The following GALNT9 variants were observed in gnomAD, a reference collection of about 807,000 sequenced individuals.
The protein encoded by GALNT9 is GalNAc transferase 9.
GALNT9 carries 47 observed loss-of-function variants against 63.1 expected under a neutral mutation model. The observed-to-expected ratio is 0.75, with a 90% CI of 0.59 to 0.95. The LOEUF (loss-of-function observed/expected upper bound fraction) is 0.95. Among genes scored for constraint, GALNT9 ranks in the 40% least tolerant of loss-of-function variants. The probability of loss-of-function intolerance (pLI) is 0.00; values close to 1 mark genes in which losing one functional copy is unlikely to be tolerated. For missense variants in GALNT9, 829 were observed against 874.8 expected (o/e 0.95, Z 0.66); for synonymous variants, 396 against 365.7 (o/e 1.08, Z -0.94).
rs1878675869 is a variant in GALNT9 at position 132,245,538 on chromosome 12, C to T, written c.1077+2372G>A. ...GTGGTCCGGCACCCACACCCCCAGC[C>T]CAGCCTGCTGACCCTCGCCCAGCCA... On this transcript the variant is annotated intron_variant, in intron 6 of 10. Coordinates refer to ENST00000328957, the MANE Select transcript of GALNT9 (RefSeq NM_001122636.2). This position sits in a 1 kb window ranked among gnomAD's most constrained non-coding sequence, Gnocchi z 6.3. Among the ~76,000 whole-genome samples the T allele has an allele frequency of 6.6e-6, 1 of 151,146 alleles. No individual in the cohort carries two copies. Among genetic ancestry groups the T allele is most frequent in the Admixed American group, 6.6e-5 (1 of 15,240 alleles).
At chr12:132,241,554 C>T (rs1555237143) in intron 6 of GALNT9, among the ~76,000 whole-genome samples, 87 of 103,810 alleles carry the variant, frequency 8.4e-4, no homozygotes, top group Admixed American at 1.6e-3. Context: ...CTCCCTATAC[C>T]CATTACACAC....
At chr12:132,240,385 C>A in intron 6 of GALNT9, 1 of 352,000 alleles carries the variant, frequency 2.8e-6, no homozygotes, top group South Asian at 2.1e-5. Context: ...GGCCAGGTGG[C>A]TGGTGAAAGG....
intron 1 of GALNT9, among the ~76,000 whole-genome samples, chr12:132,303,389 A>ACCCTC (rs1881388385): frequency 1.9e-4 from 26 of 139,276 alleles, no homozygotes; most frequent in East Asian, 6.1e-4. Flanking sequence ...TCCGGGGCAC[A>ACCCTC]GCCTCGCCCG....
In GALNT9 at chr12:132,197,064, C is replaced by T. The variant is rs367681516; in HGVS notation, c.*43G>A. The T allele has an allele frequency of 6.2e-7, 1 of 1,608,510 alleles. No individual in the cohort carries two copies. The highest frequency in any genetic ancestry group is 1.1e-5 in the South Asian group (1 of 90,588). On this transcript the variant is annotated 3_prime_UTR_variant, in exon 11 of 11. Transcript: ENST00000328957. Reference sequence around the variant, plus strand: ...GTCACTCAGCCACACTGGCTCGGCCCAGCGCCTTCCCGAGGTCTGTGGGGG... The same window carrying T: ...GTCACTCAGCCACACTGGCTCGGCCTAGCGCCTTCCCGAGGTCTGTGGGGG...
chr12:132,314,148 AC>A (rs1868399842), intron 1 of GALNT9, among the ~76,000 whole-genome samples: 1 of 45,628 alleles, frequency 2.2e-5, no homozygotes, highest in East Asian at 5.8e-4. Context: ...ACATCCACCC[AC>A]CCACCCTTCC....
In GALNT9 at chr12:132,310,995, G is replaced by T. The variant is rs1273699934; in HGVS notation, c.238+17971C>A. Among the ~76,000 whole-genome samples the T allele has an allele frequency of 6.6e-6, 1 of 152,200 alleles. No homozygotes were observed. Among genetic ancestry groups the T allele is most frequent in the Admixed American group, 6.5e-5 (1 of 15,280 alleles). Reference sequence around the variant, plus strand: ...AGCCCAAGACAGGGACTCGGCCGCAGCTAAAGTTTCCCATAATTGCGGCCT... The same window carrying T: ...AGCCCAAGACAGGGACTCGGCCGCATCTAAAGTTTCCCATAATTGCGGCCT... On this transcript the variant is annotated intron_variant, in intron 1 of 10. Transcript: ENST00000328957. This position sits in a 1 kb window ranked among gnomAD's most constrained non-coding sequence, Gnocchi z 4.8.
chr12:132,313,814 C>T (rs1555245437), intron 1 of GALNT9, among the ~76,000 whole-genome samples: 2 of 103,022 alleles, frequency 1.9e-5, no homozygotes, highest in African/African-American at 3.8e-5. Flanking sequence ...ATCCACCCAT[C>T]CACCCACCCA....
chr12:132,283,975 A>G (rs1437030814), intron 2 of GALNT9: 2 of 152,202 alleles, frequency 1.3e-5, no homozygotes, highest in African/African-American at 4.8e-5. Context: ...CTCACAGCCA[A>G]GAACGGTGCT....
chr12:132,225,840 C>T, intron 6 of GALNT9, among the ~76,000 whole-genome samples: 1 of 133,920 alleles, frequency 7.5e-6, no homozygotes, highest in Non-Finnish European at 1.6e-5. Flanking sequence ...ACACACCACA[C>T]AACCCACACC....
rs28360781 is a variant in GALNT9, at chr12:132,302,497, G to A, written c.239-16067C>T. Among the ~76,000 whole-genome samples the A allele has an allele frequency of 5.2e-3, 792 of 152,284 alleles. 5 individuals are homozygous for A. The highest frequency in any genetic ancestry group is 0.018 in the African/African-American group (742 of 41,538). On this transcript the variant is annotated intron_variant, in intron 1 of 10. Coordinates refer to ENST00000328957, the MANE Select transcript of GALNT9 (RefSeq NM_001122636.2). ...AAACATAAAATGTCAATTTGTAGCC[G>A]TGCCATTTATTCACCCATCCATTAT...
chr12:132,200,369 C>CG (rs75116312), intron 8 of GALNT9: 61,196 of 152,102 alleles, frequency 0.4, 12,569 homozygotes, highest in East Asian at 0.55. Flanking sequence ...CCAGTGGAGA[C>CG]GGGGGTCTCT....
chr12:132,266,887 C>T (rs1173035787), intron 2 of GALNT9, among the ~76,000 whole-genome samples: 1 of 152,066 alleles, frequency 6.6e-6, no homozygotes, highest in African/African-American at 2.4e-5. Flanking sequence ...GAGCCTCTGT[C>T]ATTATTTCCT....
Position 132,265,238 on chromosome 12 carries a change from C to T in GALNT9, c.420-2613G>A, listed in dbSNP as rs1330924149. Among the ~76,000 whole-genome samples, 1 of 152,194 alleles carries T rather than the reference C, an allele frequency of 6.6e-6. No individual in the cohort carries two copies. The highest frequency in any genetic ancestry group is 2.4e-5 in the African/African-American group (1 of 41,452). On this transcript the variant is annotated intron_variant, in intron 2 of 10. Coordinates refer to ENST00000328957, the MANE Select transcript of GALNT9 (RefSeq NM_001122636.2). This position sits in a 1 kb window ranked among gnomAD's most constrained non-coding sequence, Gnocchi z 5.3. Reference sequence around the variant, plus strand: ...AAGTTCAGCCCCCAGCCTTGTCCTCCTGCGCTCCTGCTGGGGATGAGGGAG... The same window carrying T: ...AAGTTCAGCCCCCAGCCTTGTCCTCTTGCGCTCCTGCTGGGGATGAGGGAG...
intron 1 of GALNT9, among the ~76,000 whole-genome samples, chr12:132,303,718 C>T (rs868958889): frequency 1.6e-5 from 1 of 64,400 alleles, no homozygotes; most frequent in Admixed American, 1.8e-4. Context: ...CACCCTCACC[C>T]GGGCACACCC....
In GALNT9 at chr12:132,252,698, G is replaced by C. The variant is rs1878969150; in HGVS notation, c.960-4671C>G. Among the ~76,000 whole-genome samples the C allele has an allele frequency of 6.6e-6, 1 of 152,070 alleles. No homozygotes were observed. The highest frequency in any genetic ancestry group is 2.1e-4 in the South Asian group (1 of 4,818). ...GTTCGAGACCAGCCTGACCAACATG[G>C]AGAAACCCCGTCTCTACTAAAAATA... On this transcript the variant is annotated intron_variant, in intron 5 of 10. Coordinates refer to ENST00000328957, the MANE Select transcript of GALNT9 (RefSeq NM_001122636.2). The surrounding 1 kb of genome is among the most constrained non-coding windows in gnomAD (Gnocchi z 5.2).
chr12:132,254,897 T>G (rs959431962), intron 5 of GALNT9, among the ~76,000 whole-genome samples: 1 of 152,234 alleles, frequency 6.6e-6, no homozygotes, highest in Admixed American at 6.5e-5. Flanking sequence ...AGGTGGTGAC[T>G]GTGGCTCTGC....
intron 2 of GALNT9, among the ~76,000 whole-genome samples, chr12:132,266,456 C>T (rs902222077): frequency 2.6e-5 from 4 of 152,352 alleles, no homozygotes; most frequent in African/African-American, 7.2e-5. Context: ...AATCCAACGA[C>T]GGTGTCCTTA....
intron 1 of GALNT9, among the ~76,000 whole-genome samples, chr12:132,291,673 ACGG>A (rs1555242794): frequency 1.0e-5 from 1 of 98,280 alleles, no homozygotes; most frequent in African/African-American, 4.7e-5. Context: ...GCCCACATCC[ACGG>A]TGCCCACATC....
intron 1 of GALNT9, among the ~76,000 whole-genome samples, chr12:132,288,543 G>A (rs1331395039): frequency 2.9e-4 from 44 of 152,274 alleles, no homozygotes; most frequent in Admixed American, 2.7e-3. Flanking sequence ...CTCATCATCC[G>A]TGGGGCTCAG....
Sources: gnomAD v4.1 joint callset for allele counts (sites outside exome capture counted in the v4.1 genomes callset) on GRCh38, gnomAD v4.1.1 for gene constraint, Gnocchi (gnomAD v3.1) non-coding constraint, MANE v1.5 for transcripts, NCBI Gene and HGNC (gene_info 2026-07-23, HGNC 2026-07-21) for gene names.